The following CCDC178 variants were observed in gnomAD, a reference collection of about 807,000 sequenced individuals.
CCDC178 encodes coiled-coil domain containing 178, also known as coiled-coil domain-containing protein 178.
CCDC178 carries 126 observed loss-of-function variants against 117.4 expected under a neutral mutation model. The observed-to-expected ratio is 1.07, with a 90% CI of 0.93 to 1.24. CCDC178 has a LOEUF of 1.24. CCDC178 is among the 50% of genes most tolerant of loss of function. CCDC178 has a pLI of 0.00. For synonymous variants in CCDC178, 283 were observed against 313.4 expected (o/e 0.90, Z 1.02); for missense variants, 1,030 against 986.9 (o/e 1.04, Z -0.59).
intron 20 of CCDC178, among the ~76,000 whole-genome samples, chr18:33,172,296 T>G (rs151002528): frequency 6.6e-6 from 1 of 152,204 alleles, no homozygotes; most frequent in Non-Finnish European, 1.5e-5. Context: ...GTTTATATTT[T>G]ATGTAAGTAG....
In CCDC178 at chr18:33,273,020, G is replaced by A. The variant is rs187562390; in HGVS notation, c.1177-5723C>T. On this transcript the variant is annotated intron_variant, in intron 12 of 22. Transcript: ENST00000383096. Reference sequence around the variant, plus strand: ...TCTTTTTTTTAACATTGTATTTGATGCTCTAACCAAAGTAATTAGGCAAAA... The same window carrying A: ...TCTTTTTTTTAACATTGTATTTGATACTCTAACCAAAGTAATTAGGCAAAA... 3.2e-3 allele frequency among the ~76,000 whole-genome samples: 472 copies of A among 149,398 alleles called. 12 individuals carry two copies. The highest frequency in any genetic ancestry group is 0.031 in the Admixed American group (458 of 14,958).
intron 11 of CCDC178, among the ~76,000 whole-genome samples, chr18:33,319,255 G>T (rs552209469): frequency 9.2e-5 from 14 of 151,746 alleles, no homozygotes; most frequent in Admixed American, 3.9e-4. Flanking sequence ...GGTGTTCTCG[G>T]TGTTCAATTC....
intron 22 of CCDC178, among the ~76,000 whole-genome samples, chr18:32,962,442 C>T (rs2054723021): frequency 1.3e-5 from 2 of 152,068 alleles, no homozygotes; most frequent in Non-Finnish European, 2.9e-5. Flanking sequence ...TTCAGATCTA[C>T]TGGTCAGCAA....
At chr18:33,255,069 T>C (rs974512785) in intron 14 of CCDC178, among the ~76,000 whole-genome samples, 2 of 152,024 alleles carry the variant, frequency 1.3e-5, no homozygotes, top group Non-Finnish European at 2.9e-5. Flanking sequence ...TTAGTTCCCA[T>C]GAGAGTGGGT....
intron 9 of CCDC178, among the ~76,000 whole-genome samples, chr18:33,335,336 GTTTT>G (rs1006975092): frequency 6.6e-6 from 1 of 151,724 alleles, no homozygotes; most frequent in African/African-American, 2.4e-5. Context: ...ACTTCTAAAT[GTTTT>G]TTATTTTCTG....
intron 20 of CCDC178, among the ~76,000 whole-genome samples, chr18:33,134,531 G>T (rs2058102718): frequency 1.3e-5 from 2 of 151,996 alleles, no homozygotes; most frequent in Admixed American, 1.3e-4. Context: ...ACTGAAATAT[G>T]TAATTTATTC....
intron 5 of CCDC178, among the ~76,000 whole-genome samples, chr18:33,372,262 A>G (rs1298805970): frequency 6.6e-6 from 1 of 152,116 alleles, no homozygotes; most frequent in South Asian, 2.1e-4. Flanking sequence ...CAAGCATGGC[A>G]TAAGTTAAAA....
intron 20 of CCDC178, among the ~76,000 whole-genome samples, chr18:33,120,191 GAAAGA>G (rs746205410): frequency 7.0e-6 from 1 of 143,704 alleles, no homozygotes. Context: ...TAATAATAAA[GAAAGA>G]AAAAAAAAAG....
chr18:33,318,735 A>C (rs1426514572), intron 11 of CCDC178, among the ~76,000 whole-genome samples: 1 of 152,140 alleles, frequency 6.6e-6, no homozygotes, highest in Non-Finnish European at 1.5e-5. Flanking sequence ...AAATAAAATT[A>C]ATTAAAATTC....
chr18:33,134,972 C>T (rs1376474690), intron 20 of CCDC178, among the ~76,000 whole-genome samples: 1 of 150,678 alleles, frequency 6.6e-6, no homozygotes, highest in African/African-American at 2.4e-5. Flanking sequence ...TTCATTGGAC[C>T]TAAAACTAAA....
At chr18:33,407,217 C>T (rs1392409671) in intron 3 of CCDC178, among the ~76,000 whole-genome samples, 5 of 152,104 alleles carry the variant, frequency 3.3e-5, no homozygotes, top group African/African-American at 9.7e-5. Context: ...GCCTTAAAAT[C>T]GTTAGCAAAG....
rs758812667 is a variant in CCDC178, at chr18:33,120,625, G to T, written c.2239-27715C>A. Among the ~76,000 whole-genome samples, 4 of 152,234 alleles carry T rather than the reference G, an allele frequency of 2.6e-5. No individual in the cohort carries two copies. In the South Asian group the frequency reaches 8.3e-4, roughly 32 times the overall value. ...TGCTTGCTGAGGGTAAAAGAAATAT[G>T]AAATGGATGGTGAAAAGGATAGCTA... On this transcript the variant is annotated intron_variant, in intron 20 of 22. Coordinates refer to ENST00000383096, the MANE Select transcript of CCDC178 (RefSeq NM_001105528.4).
intron 21 of CCDC178, among the ~76,000 whole-genome samples, chr18:33,019,249 T>C (rs979005284): frequency 5.9e-5 from 9 of 152,178 alleles, no homozygotes; most frequent in Admixed American, 4.6e-4. Flanking sequence ...GCTGGTGGTA[T>C]GCATAGAACT....
At chr18:33,340,358 A>G (rs1413868074) in intron 9 of CCDC178, among the ~76,000 whole-genome samples, 1 of 152,194 alleles carries the variant, frequency 6.6e-6, no homozygotes, top group Non-Finnish European at 1.5e-5. Context: ...TAAAAGGGAA[A>G]CAGCATAAAA....
intron 9 of CCDC178, among the ~76,000 whole-genome samples, chr18:33,339,628 A>T (rs1227885594): frequency 6.6e-6 from 1 of 151,894 alleles, no homozygotes; most frequent in East Asian, 1.9e-4. Flanking sequence ...GAATTCCCAC[A>T]TGTTGTGGAA....
intron 10 of CCDC178, chr18:33,328,083 ATTTTTTTTTTTTTTT>A (rs771034112): frequency 5.3e-4 from 53 of 100,652 alleles, no homozygotes; most frequent in Non-Finnish European, 7.1e-4. Context: ...TTATCCCTAG[ATTTTTTTTTTTTTTT>A]TTTTTTTTTT....
At chr18:33,203,748 T>TGTGAA in intron 20 of CCDC178, among the ~76,000 whole-genome samples, 1 of 152,194 alleles carries the variant, frequency 6.6e-6, no homozygotes, top group Admixed American at 6.5e-5. Flanking sequence ...GTTCACATTA[T>TGTGAA]CTCTCTAGCC....
chr18:33,205,220 A>C (rs1297376118), intron 20 of CCDC178, among the ~76,000 whole-genome samples: 1 of 152,106 alleles, frequency 6.6e-6, no homozygotes, highest in African/African-American at 2.4e-5. Flanking sequence ...AGCAAGAACC[A>C]ATAAAACTAT....
intron 20 of CCDC178, among the ~76,000 whole-genome samples, chr18:33,145,257 A>T (rs2058253837): frequency 6.6e-6 from 1 of 152,192 alleles, no homozygotes; most frequent in South Asian, 2.1e-4. Context: ...TTCCATTTAT[A>T]AACCTTCTTT....
Sources: allele counts gnomAD v4.1 joint callset (sites outside exome capture counted in the v4.1 genomes callset), GRCh38; gene constraint gnomAD v4.1.1; transcripts MANE v1.5; gene names NCBI Gene and HGNC (gene_info 2026-07-23, HGNC 2026-07-21).